Variants in ARHGEF28 observed in about 807,000 individuals in gnomAD.
ARHGEF28 encodes the protein Rho guanine nucleotide exchange factor 28, also known as 190 kDa guanine nucleotide exchange factor.
Under a neutral mutation model 206.6 loss-of-function variants are expected in ARHGEF28, and 152 were observed. The observed-to-expected ratio is 0.74, with a 90% CI of 0.64 to 0.84. The LOEUF (loss-of-function observed/expected upper bound fraction) is 0.84, where lower values mean the gene tolerates loss of function less well. Among genes scored for constraint, ARHGEF28 ranks in the 40% least tolerant of loss-of-function variants. The probability of loss-of-function intolerance (pLI) is 0.00; values close to 1 mark genes in which losing one functional copy is unlikely to be tolerated. For missense variants in ARHGEF28, 2,028 were observed against 2,073.2 expected, an observed-to-expected ratio of 0.98 and a Z score of 0.42; for synonymous variants, 763 against 776.4, an observed-to-expected ratio of 0.98 and a Z score of 0.29.
intron 2 of ARHGEF28, among the ~76,000 whole-genome samples, chr5:73,711,924 A>G (rs975240252): frequency 2.0e-5 from 3 of 150,828 alleles, no homozygotes; most frequent in Non-Finnish European, 2.9e-5. Context: ...TATTAGTTCT[A>G]GGTTTGGGTT....
At chr5:73,865,096 G>T (rs1042934029) in intron 17 of ARHGEF28, among the ~76,000 whole-genome samples, 1 of 152,186 alleles carries the variant, frequency 6.6e-6, no homozygotes, top group Admixed American at 6.5e-5. Flanking sequence ...CTGTGGCTAG[G>T]TTAGGCTTTC....
Position 73,909,411 on chromosome 5 carries a change from GGCC to G in ARHGEF28, c.4165_4167del (p.Ala1389del). The G allele has an allele frequency of 1.3e-6, 2 of 1,592,958 alleles. No homozygotes were observed. The highest frequency in any genetic ancestry group is 1.3e-5 in the African/African-American group (1 of 74,744). On this transcript the variant is annotated inframe_deletion and splice_region_variant, in exon 34 of 36. Coordinates refer to ENST00000513042, the MANE Select transcript of ARHGEF28 (RefSeq NM_001177693.2). ...GATTTTTCCTCTGTCTGCTCTGACAGGCCGCCTTGACCATTCAGGACAGCCACA... is the reference window on the plus strand; with the variant it reads ...GATTTTTCCTCTGTCTGCTCTGACAGGCCTTGACCATTCAGGACAGCCACA...
At chr5:73,787,571 G>A (rs770268193) in intron 7 of ARHGEF28, among the ~76,000 whole-genome samples, 1 of 152,050 alleles carries the variant, frequency 6.6e-6, no homozygotes, top group East Asian at 1.9e-4. Context: ...GGTGTGTAAC[G>A]TTCCCCTCCC....
chr5:73,938,260 A>G (rs892515870), intron 35 of ARHGEF28, among the ~76,000 whole-genome samples: 1 of 151,558 alleles, frequency 6.6e-6, no homozygotes, highest in Non-Finnish European at 1.5e-5. Context: ...TAGAGCATAC[A>G]ATGTAACTTA....
intron 9 of ARHGEF28, among the ~76,000 whole-genome samples, chr5:73,827,168 TTA>T (rs1756964736): frequency 6.6e-6 from 1 of 152,210 alleles, no homozygotes; most frequent in Admixed American, 6.5e-5. Flanking sequence ...TCTTCACATT[TTA>T]TGTTTTTCAG....
chr5:73,827,505 T>C (rs1168190748), intron 9 of ARHGEF28, among the ~76,000 whole-genome samples: 2 of 152,150 alleles, frequency 1.3e-5, no homozygotes, highest in Non-Finnish European at 2.9e-5. Flanking sequence ...AATAATTCTA[T>C]GAGATGGATA....
At chr5:73,908,355 G>A (rs921899464) in intron 33 of ARHGEF28, 1 of 152,090 alleles carries the variant, frequency 6.6e-6, no homozygotes, top group Non-Finnish European at 1.5e-5. Context: ...CCCAACATCT[G>A]TTATATGGAC....
At chr5:73,796,501 G>C (rs1325725467) in intron 9 of ARHGEF28, among the ~76,000 whole-genome samples, 1 of 152,228 alleles carries the variant, frequency 6.6e-6, no homozygotes, top group Non-Finnish European at 1.5e-5. Context: ...GGCTGAGGGA[G>C]TGTGGTTGGT....
At chr5:73,732,927 A>G (rs1160074300) in intron 2 of ARHGEF28, among the ~76,000 whole-genome samples, 1 of 152,236 alleles carries the variant, frequency 6.6e-6, no homozygotes, top group African/African-American at 2.4e-5. Flanking sequence ...GCATAAGAAT[A>G]TTTGAGGGAA....
rs60902059 is a variant in ARHGEF28, at chr5:73,711,561, T to G, written c.33+26677T>G. Among the ~76,000 whole-genome samples the G allele has an allele frequency of 5.1e-3, 775 of 152,306 alleles. 6 individuals are homozygous for G. Among genetic ancestry groups the G allele is most frequent in the African/African-American group, 0.018 (743 of 41,586 alleles). ...ACACATATTTTGTTAGATTTATACA[T>G]AAACATTTTAATTTTTGGTGCTATC... On this transcript the variant is annotated intron_variant, in intron 2 of 35. Coordinates refer to ENST00000513042, the MANE Select transcript of ARHGEF28 (RefSeq NM_001177693.2).
At chr5:73,697,395 T>G (rs1491001672) in intron 2 of ARHGEF28, among the ~76,000 whole-genome samples, 1 of 152,230 alleles carries the variant, frequency 6.6e-6, no homozygotes, top group Non-Finnish European at 1.5e-5. Flanking sequence ...TACCTGAAAC[T>G]GGGTAATTTA....
At chr5:73,765,060 A>G (rs1421864973) in intron 4 of ARHGEF28, among the ~76,000 whole-genome samples, 1 of 152,104 alleles carries the variant, frequency 6.6e-6, no homozygotes, top group Non-Finnish European at 1.5e-5. Flanking sequence ...TTTTCATATC[A>G]TGATACATGA....
At chr5:73,773,751 C>A in intron 4 of ARHGEF28, 104 bp from the exon 5 acceptor site, 2 of 1,145,332 alleles carry the variant, frequency 1.7e-6, no homozygotes, top group Non-Finnish European at 2.4e-6. Flanking sequence ...TCTTCCAACT[C>A]TGACATTCTT....
At position 73,863,860 on chromosome 5, in the gene ARHGEF28, T is replaced by G. The variant is rs530780011; in HGVS notation, c.2048-957T>G. On this transcript the variant is annotated intron_variant, in intron 16 of 35. Coordinates refer to ENST00000513042, the MANE Select transcript of ARHGEF28 (RefSeq NM_001177693.2). ...CAATGCATAGATTAGCCTTGGGCCC[T>G]GCTTGCTGGCCACTGGCGTGTTGAC... is the stretch of plus-strand genomic sequence containing the variant. 7.2e-5 allele frequency among the ~76,000 whole-genome samples: 11 copies of G among 152,176 alleles called. No individual in the cohort carries two copies. The East Asian group carries it at 1.9e-3, about 27-fold the overall frequency.
intron 27 of ARHGEF28, among the ~76,000 whole-genome samples, chr5:73,892,464 G>A (rs1761702483): frequency 1.3e-5 from 2 of 152,154 alleles, no homozygotes; most frequent in Admixed American, 6.5e-5. Context: ...GATGCAGCTC[G>A]GGCCTCCCCT....
intron 1 of ARHGEF28, among the ~76,000 whole-genome samples, chr5:73,650,315 C>T (rs2080826): frequency 0.067 from 8,046 of 120,412 alleles, 846 homozygotes; most frequent in African/African-American, 0.24. Context: ...GACGGAGTCT[C>T]ATTCTGTCAC....
At chr5:73,910,950 TATATGG>T (rs1762865535) in intron 34 of ARHGEF28, among the ~76,000 whole-genome samples, 1 of 152,236 alleles carries the variant, frequency 6.6e-6, no homozygotes, top group Non-Finnish European at 1.5e-5. Flanking sequence ...TCCTCATGTA[TATATGG>T]ATATGTTTTC....
At position 73,840,571 on chromosome 5, in the gene ARHGEF28, G is replaced by C. The variant is rs771382487; in HGVS notation, c.1238G>C (p.Ser413Thr). 6.2e-7 allele frequency: 1 copy of C among 1,613,962 alleles called. No homozygotes were observed. Among genetic ancestry groups the C allele is most frequent in the South Asian group, 1.1e-5 (1 of 91,086 alleles). The change falls in exon 11 of 36, where the codon AGC becomes ACC. Residue 413 changes from serine (S) to threonine (T), a missense_variant. This residue lies in a region of ARHGEF28 where 1,002 missense variants were observed against 1,015.3 expected (regional missense o/e 0.99). Transcript: ENST00000513042. ...ESRGCTLWPQSSKHTLPTETS... is the reference protein window; with the variant it reads ...ESRGCTLWPQTSKHTLPTETS... ...AGAGGTTGCACTCTGTGGCCTCAGA[G>C]CAGCAAACACACCCTTCCTACAGAA...
intron 28 of ARHGEF28, among the ~76,000 whole-genome samples, chr5:73,893,792 G>A (rs1447939788): frequency 1.3e-5 from 2 of 152,322 alleles, no homozygotes; most frequent in Admixed American, 6.5e-5. Context: ...TGGCAGGTGG[G>A]ATGTAGACTT....
Sources: allele counts gnomAD v4.1 joint callset (sites outside exome capture counted in the v4.1 genomes callset), GRCh38; gene constraint gnomAD v4.1.1; regional missense constraint gnomAD v4.1.1; transcripts MANE v1.5; gene names NCBI Gene and HGNC (gene_info 2026-07-23, HGNC 2026-07-21).